TTC39B: variants seen among roughly 807,000 people sequenced by gnomAD.
TTC39B encodes the protein tetratricopeptide repeat domain 39B.
In TTC39B, 92 loss-of-function variants were observed where a neutral mutation model predicts 96.6. The ratio of observed to expected loss-of-function variants is 0.95; its 90% CI spans 0.80 to 1.13. TTC39B has a LOEUF of 1.13. TTC39B is among the 50% of genes most tolerant of loss of function. The pLI is 0.00. For missense variants in TTC39B, 955 were observed against 809.3 expected, an observed-to-expected ratio of 1.18 and a Z score of -2.18; for synonymous variants, 367 against 299.4, an observed-to-expected ratio of 1.23 and a Z score of -2.33.
chr9:15,229,504 A>G (rs1051766054), intron 2 of TTC39B, among the ~76,000 whole-genome samples: 2 of 152,224 alleles, frequency 1.3e-5, no homozygotes, highest in African/African-American at 4.8e-5. Context: ...TGGTTTTATT[A>G]CCTTGCCGGA....
chr9:15,199,363 A>G (rs1028233746), intron 8 of TTC39B, among the ~76,000 whole-genome samples: 2 of 152,204 alleles, frequency 1.3e-5, no homozygotes, highest in African/African-American at 4.8e-5. Flanking sequence ...ATTGTATTTA[A>G]ACTTAAATTC....
At chr9:15,165,822 G>C (rs1162906708) in exon 20 of TTC39B, 5 of 152,116 alleles carry the variant, frequency 3.3e-5, no homozygotes, top group Non-Finnish European at 7.3e-5. Flanking sequence ...GGGGATTATG[G>C]GAACTACAAT....
At chr9:15,207,163 A>C (rs960948656) in intron 6 of TTC39B, among the ~76,000 whole-genome samples, 7 of 152,154 alleles carry the variant, frequency 4.6e-5, no homozygotes, top group African/African-American at 1.7e-4. Flanking sequence ...TTTCCTTTAT[A>C]AATTACCCAG....
intron 1 of TTC39B, among the ~76,000 whole-genome samples, chr9:15,293,011 T>G (rs1824243406): frequency 6.6e-6 from 1 of 152,246 alleles, no homozygotes; most frequent in Non-Finnish European, 1.5e-5. Flanking sequence ...CACTCACCAC[T>G]CACTCACTGA....
chr9:15,292,323 C>T (rs560786930), intron 1 of TTC39B, among the ~76,000 whole-genome samples: 8 of 152,244 alleles, frequency 5.3e-5, no homozygotes, highest in African/African-American at 1.7e-4. Context: ...TAGTCACAGC[C>T]ATTATAACAC....
intron 1 of TTC39B, among the ~76,000 whole-genome samples, chr9:15,294,771 G>C (rs1824310350): frequency 6.6e-6 from 1 of 152,186 alleles, no homozygotes; most frequent in Admixed American, 6.5e-5. Context: ...GACTCTGGCT[G>C]GGCCAATCTT....
At position 15,234,004 on chromosome 9, in the gene TTC39B, C is replaced by T. The variant is rs1173186565; in HGVS notation, c.276-7992G>A. Among the ~76,000 whole-genome samples the T allele has an allele frequency of 2.9e-3, 434 of 149,306 alleles. 2 individuals carry two copies. Among genetic ancestry groups the T allele is most frequent in the African/African-American group, 7.8e-3 (313 of 39,908 alleles). On this transcript the variant is annotated intron_variant, in intron 2 of 19. Coordinates refer to ENST00000512701, the Ensembl canonical transcript of TTC39B. ...TGAGATGTGGGGAGCGCCTCTGCCC[C>T]GCTGCCCCGTCTGGGATGTGAGGAG...
chr9:15,206,644 G>A (rs1361403664), intron 6 of TTC39B, among the ~76,000 whole-genome samples: 1 of 152,020 alleles, frequency 6.6e-6, no homozygotes, highest in Non-Finnish European at 1.5e-5. Flanking sequence ...AATAATGTTA[G>A]CTAAGCTAAA....
At chr9:15,280,841 T>C (rs1236160451) in intron 1 of TTC39B, among the ~76,000 whole-genome samples, 1 of 151,958 alleles carries the variant, frequency 6.6e-6, no homozygotes, top group Non-Finnish European at 1.5e-5. Context: ...TGCAGTGGGG[T>C]TTAGTAGAAT....
intron 14 of TTC39B, among the ~76,000 whole-genome samples, 179 bp downstream of exon 14, chr9:15,187,791 TG>T (rs1818615549): frequency 2.6e-5 from 4 of 152,210 alleles, no homozygotes; most frequent in Admixed American, 1.3e-4. Context: ...TTTTAAAGCA[TG>T]CAATGCTGAG....
At chr9:15,219,252 G>A (rs948082386) in intron 3 of TTC39B, among the ~76,000 whole-genome samples, 2 of 152,064 alleles carry the variant, frequency 1.3e-5, no homozygotes, top group African/African-American at 4.8e-5. Context: ...AAAGATGGAG[G>A]AAGCTCCTGG....
chr9:15,283,389 A>T (rs1823839108), intron 1 of TTC39B, among the ~76,000 whole-genome samples: 1 of 152,254 alleles, frequency 6.6e-6, no homozygotes, highest in African/African-American at 2.4e-5. Flanking sequence ...ACCAAGCATT[A>T]GCTTTTGCAC....
chr9:15,205,126 C>T (rs1819772038), intron 6 of TTC39B, among the ~76,000 whole-genome samples: 1 of 152,156 alleles, frequency 6.6e-6, no homozygotes, highest in Non-Finnish European at 1.5e-5. Flanking sequence ...GCCACTAACG[C>T]CGCCTCTAGT....
At chr9:15,181,758 T>G in intron 17 of TTC39B, among the ~76,000 whole-genome samples, 1 of 152,194 alleles carries the variant, frequency 6.6e-6, no homozygotes, top group Non-Finnish European at 1.5e-5. Flanking sequence ...AAGTGCACGT[T>G]TCCTTGTGCT....
intron 5 of TTC39B, 83 bp from the exon 6 acceptor site, chr9:15,210,247 G>T: frequency 1.1e-6 from 1 of 899,796 alleles, no homozygotes; most frequent in Non-Finnish European, 1.8e-6. Context: ...GTTCATTTCA[G>T]TCACTATCAC....
exon 20 of TTC39B, chr9:15,171,731 G>A (rs1588828732): frequency 5.1e-6 from 1 of 194,610 alleles, no homozygotes; most frequent in African/African-American, 2.3e-5. Context: ...TTAGACTATT[G>A]CATCTGCAAG....
intron 17 of TTC39B, among the ~76,000 whole-genome samples, chr9:15,180,032 G>A (rs961813412): frequency 5.3e-5 from 8 of 152,032 alleles, no homozygotes; most frequent in Admixed American, 4.6e-4. Context: ...TGAACATTTC[G>A]ACACACAACA....
intron 2 of TTC39B, among the ~76,000 whole-genome samples, chr9:15,240,283 C>T (rs1314549693): frequency 2.0e-5 from 3 of 152,098 alleles, no homozygotes; most frequent in Middle Eastern, 3.2e-3. Context: ...CTGTTCCTCA[C>T]GAAGGAAAAA....
At chr9:15,224,125 A>G (rs1820995089) in intron 3 of TTC39B, among the ~76,000 whole-genome samples, 1 of 152,138 alleles carries the variant, frequency 6.6e-6, no homozygotes, top group Non-Finnish European at 1.5e-5. Context: ...CACAGGCAAG[A>G]GCTTCAGAAA....
Sources: gnomAD v4.1 joint callset for allele counts (sites outside exome capture counted in the v4.1 genomes callset) on GRCh38, gnomAD v4.1.1 for gene constraint, MANE v1.5 for transcripts, NCBI Gene and HGNC (gene_info 2026-07-23, HGNC 2026-07-21) for gene names.